ENTHD1: variants seen among roughly 807,000 people sequenced by gnomAD.
ENTHD1 encodes ENTH domain-containing protein 1.
Under a neutral mutation model 39.1 loss-of-function variants are expected in ENTHD1, and 23 were observed. The observed-to-expected ratio is 0.59, with a 90% CI of 0.42 to 0.83. ENTHD1 has a LOEUF of 0.83. Among genes scored for constraint, ENTHD1 ranks in the 40% least tolerant of loss-of-function variants. ENTHD1 has a pLI of 0.00. For missense variants in ENTHD1, 624 were observed against 705.4 expected (o/e 0.88, Z 1.31); for synonymous variants, 230 against 258.2 (o/e 0.89, Z 1.05).
chr22:39,876,483 T>C (rs1400734430), intron 2 of ENTHD1, among the ~76,000 whole-genome samples: 4 of 150,552 alleles, frequency 2.7e-5, no homozygotes, highest in Admixed American at 1.3e-4. Flanking sequence ...GCAAGGTCAT[T>C]GTTGGGATGA....
Position 39,787,769 on chromosome 22 carries a change from AAC to A in ENTHD1, c.833-22162_833-22161del, listed in dbSNP as rs1436362818. On this transcript the variant is annotated intron_variant, in intron 5 of 6. Transcript: ENST00000325157. ...GTTTAAGGAAAGAAACCAACTCCCT[AAC>A]ATAAAAATACAAGGTAAAGCAGCAA... Among the ~76,000 whole-genome samples the A allele has an allele frequency of 5.9e-5, 9 of 152,346 alleles. No homozygotes were observed. The East Asian group carries it at 1.7e-3, about 29-fold the overall frequency.
At chr22:39,888,865 T>C (rs139449444) in intron 1 of ENTHD1, among the ~76,000 whole-genome samples, 163 of 152,304 alleles carry the variant, frequency 1.1e-3, no homozygotes, top group African/African-American at 3.8e-3. Flanking sequence ...CTTTATATTG[T>C]CACATATAAA....
intron 5 of ENTHD1, among the ~76,000 whole-genome samples, chr22:39,813,957 A>G (rs1429821344): frequency 6.6e-6 from 1 of 152,214 alleles, no homozygotes; most frequent in Non-Finnish European, 1.5e-5. Context: ...TAGAGTAGCA[A>G]TGAAAATACA....
At chr22:39,745,343 T>G (rs1037200232) in intron 6 of ENTHD1, among the ~76,000 whole-genome samples, 1 of 152,204 alleles carries the variant, frequency 6.6e-6, no homozygotes, top group Non-Finnish European at 1.5e-5. Context: ...AGAGGGAAAT[T>G]GATGCTTACT....
In ENTHD1 at chr22:39,853,409, C is replaced by T. The variant is rs185635016; in HGVS notation, c.592+8356G>A. ...AGTGAGTCGGGTGTAGTGGCAGGCA[C>T]CTGTGGTCCCAGCTACTTAGGAGGC... On this transcript the variant is annotated intron_variant, in intron 3 of 6. Transcript: ENST00000325157. Among the ~76,000 whole-genome samples, 10 of 152,044 alleles carry T rather than the reference C, an allele frequency of 6.6e-5. No individual in the cohort carries two copies. The East Asian group carries it at 1.9e-3, about 30-fold the overall frequency.
chr22:39,779,581 T>C (rs1324624804), intron 5 of ENTHD1, among the ~76,000 whole-genome samples: 1 of 148,792 alleles, frequency 6.7e-6, no homozygotes, highest in Non-Finnish European at 1.5e-5. Flanking sequence ...AATTTGAAGG[T>C]ATAAAACCCA....
intron 5 of ENTHD1, among the ~76,000 whole-genome samples, chr22:39,766,019 CAAAAAAAAAAAAAAA>C (rs11367784): frequency 1.4e-4 from 7 of 48,350 alleles, no homozygotes; most frequent in South Asian, 1.4e-3. Context: ...CCCTCAGCTA[CAAAAAAAAAAAAAAA>C]AAAAAAAAAA....
At chr22:39,864,365 C>A (rs760043960) in intron 2 of ENTHD1, among the ~76,000 whole-genome samples, 2 of 152,138 alleles carry the variant, frequency 1.3e-5, no homozygotes, top group Non-Finnish European at 2.9e-5. Context: ...ATCCCTGATT[C>A]ATTCAGGTCT....
intron 2 of ENTHD1, among the ~76,000 whole-genome samples, chr22:39,876,527 A>G (rs1464567450): frequency 6.6e-6 from 1 of 151,860 alleles, no homozygotes; most frequent in Non-Finnish European, 1.5e-5. Context: ...AAAAAAAAAA[A>G]AAAAAAAGAA....
At chr22:39,783,239 A>G (rs189458190) in intron 5 of ENTHD1, among the ~76,000 whole-genome samples, 1 of 152,272 alleles carries the variant, frequency 6.6e-6, no homozygotes, top group Admixed American at 6.5e-5. Flanking sequence ...GAAGATTTAT[A>G]CAAGAAAAAC....
chr22:39,887,417 T>G lies in ENTHD1; in HGVS notation c.332A>C (p.Glu111Ala), dbSNP rs1207495725. Residue 111 changes from glutamate to alanine, a missense_variant, in exon 2 of 7, where the codon GAA becomes GCA. Transcript: ENST00000325157. Reference protein sequence around the residue: ...QTLKDFQHIDEAGKDQGYYIR... With the variant: ...QTLKDFQHIDAAGKDQGYYIR... Reference sequence around the variant, plus strand: ...ACCATTACCTTGGTCTTTTCCAGCTTCATCTATGTGCTGAAAATCTTTTAG... The same window carrying G: ...ACCATTACCTTGGTCTTTTCCAGCTGCATCTATGTGCTGAAAATCTTTTAG... 1 of 1,609,200 alleles carries G rather than the reference T, an allele frequency of 6.2e-7. No homozygotes were observed. The highest frequency in any genetic ancestry group is 1.3e-5 in the African/African-American group (1 of 74,634).
chr22:39,869,225 C>G (rs1025338855), intron 2 of ENTHD1, among the ~76,000 whole-genome samples: 7 of 152,102 alleles, frequency 4.6e-5, no homozygotes, highest in African/African-American at 1.4e-4. Context: ...AGGTGCCCAT[C>G]AATGGTGGAT....
At chr22:39,759,759 C>T (rs1010260970) in intron 6 of ENTHD1, among the ~76,000 whole-genome samples, 1 of 151,972 alleles carries the variant, frequency 6.6e-6, no homozygotes, top group African/African-American at 2.4e-5. Flanking sequence ...ATGCATCTCA[C>T]ATTTTTTGAT....
intron 2 of ENTHD1, among the ~76,000 whole-genome samples, chr22:39,868,807 G>A (rs1189790581): frequency 6.6e-6 from 1 of 151,726 alleles, no homozygotes; most frequent in African/African-American, 2.4e-5. Flanking sequence ...CTAAAAAATG[G>A]GCAAAACATG....
chr22:39,772,463 A>G (rs549365772), intron 5 of ENTHD1, among the ~76,000 whole-genome samples: 1 of 152,320 alleles, frequency 6.6e-6, no homozygotes, highest in South Asian at 2.1e-4. Context: ...TTAACTCTAA[A>G]TAGACCGTGA....
intron 5 of ENTHD1, among the ~76,000 whole-genome samples, chr22:39,766,858 A>G (rs756062824): frequency 1.3e-5 from 2 of 152,218 alleles, no homozygotes; most frequent in Admixed American, 6.5e-5. Context: ...TTACATTGCT[A>G]TCTTCACCAG....
intron 4 of ENTHD1, among the ~76,000 whole-genome samples, chr22:39,823,311 G>A (rs1392331580): frequency 2.0e-5 from 3 of 152,106 alleles, no homozygotes; most frequent in African/African-American, 7.2e-5. Context: ...TAAAGCTGCT[G>A]TGAACATTTG....
In ENTHD1 at chr22:39,826,780, A is replaced by G. The variant is rs1050961537; in HGVS notation, c.712-5667T>C. On this transcript the variant is annotated intron_variant, in intron 4 of 6. Transcript: ENST00000325157. ...TACTTGTAGGAGGGGTAGAGGACATAAGGAGAAATCTCCGTAGCTTCCACT... is the reference window on the plus strand; with the variant it reads ...TACTTGTAGGAGGGGTAGAGGACATGAGGAGAAATCTCCGTAGCTTCCACT... Among the ~76,000 whole-genome samples, 7 of 152,082 alleles carry G rather than the reference A, an allele frequency of 4.6e-5. 1 individual carries two copies. The South Asian group carries it at 1.5e-3, about 32-fold the overall frequency.
Position 39,771,172 on chromosome 22 carries a change from G to A in ENTHD1, c.833-5563C>T, listed in dbSNP as rs368633570. Among the ~76,000 whole-genome samples, 17 of 152,176 alleles carry A rather than the reference G, an allele frequency of 1.1e-4. No individual in the cohort carries two copies. The East Asian group carries it at 1.5e-3, about 14-fold the overall frequency. On this transcript the variant is annotated intron_variant, in intron 5 of 6. Coordinates refer to ENST00000325157, the MANE Select transcript of ENTHD1 (RefSeq NM_152512.4). ...ATCATATTTTTGTGATAATGGCAGA[G>A]TAGTTTCAAGTGGACCAACTCCTCT...
Sources: gnomAD v4.1 joint callset for allele counts (sites outside exome capture counted in the v4.1 genomes callset) on GRCh38, gnomAD v4.1.1 for gene constraint, MANE v1.5 for transcripts, NCBI Gene and HGNC (gene_info 2026-07-23, HGNC 2026-07-21) for gene names.